The following STKLD1 variants were observed in gnomAD, a reference collection of about 807,000 sequenced individuals.
STKLD1 encodes the protein serine/threonine kinase like domain containing 1.
STKLD1 carries 79 observed loss-of-function variants against 80.4 expected under a neutral mutation model. The ratio of observed to expected loss-of-function variants is 0.98; its 90% CI spans 0.82 to 1.19. STKLD1 has a LOEUF of 1.19. Ranked by LOEUF, STKLD1 falls within the 50% of genes most tolerant of loss-of-function variation. The pLI, the probability that STKLD1 is intolerant of heterozygous loss-of-function variation, is 0.00. For missense variants in STKLD1, 841 were observed against 856.0 expected (o/e 0.98, Z 0.22); for synonymous variants, 393 against 357.6 (o/e 1.10, Z -1.12).
rs2130286395 is a variant in STKLD1, at chr9:133,390,352, G to A, written c.468-329G>A. Reference sequence around the variant, plus strand: ...GCCAAAAATCAATCCCCAGGCAAACGTGTAGCTGAGATATCTAAGGAGGTG... The same window carrying A: ...GCCAAAAATCAATCCCCAGGCAAACATGTAGCTGAGATATCTAAGGAGGTG... On this transcript the variant is annotated intron_variant, in intron 6 of 17. Transcript: ENST00000371957. This position sits in a 1 kb window ranked among gnomAD's most constrained non-coding sequence, Gnocchi z 5.1. 1.3e-5 allele frequency among the ~76,000 whole-genome samples: 2 copies of A among 152,126 alleles called. No individual in the cohort carries two copies. Among genetic ancestry groups the A allele is most frequent in the Admixed American group, 1.3e-4 (2 of 15,272 alleles).
chr9:133,379,080 G>T lies in STKLD1; in HGVS notation c.132G>T (p.Val44=). 6.2e-7 allele frequency: 1 copy of T among 1,614,070 alleles called. No individual in the cohort carries two copies. The highest frequency in any genetic ancestry group is 8.5e-7 in the Non-Finnish European group (1 of 1,179,954). ...LNPGALGVNL[V]VEEMETKVKH... ...CTGGGGCCTTGGGGGTGAACCTGGTGGTGGAGGAAATGGAAACCAAAGTCA... is the reference window on the plus strand; with the variant it reads ...CTGGGGCCTTGGGGGTGAACCTGGTTGTGGAGGAAATGGAAACCAAAGTCA... Residue 44 remains valine (V), a synonymous_variant, in exon 2 of 18, where the codon GTG becomes GTT. Transcript: ENST00000371957.
At chr9:133,383,218 G>GT (rs2119210039) in intron 2 of STKLD1, among the ~76,000 whole-genome samples, 1 of 133,986 alleles carries the variant, frequency 7.5e-6, no homozygotes, top group Admixed American at 7.7e-5. Context: ...TAATGATGGT[G>GT]GTGATGGTGA....
In STKLD1 at chr9:133,404,888, T is replaced by C. The variant is rs1564386918; in HGVS notation, c.1832T>C (p.Val611Ala). 6.2e-7 allele frequency: 1 copy of C among 1,613,236 alleles called. No homozygotes were observed. Among genetic ancestry groups the C allele is most frequent in the Non-Finnish European group, 8.5e-7 (1 of 1,179,734 alleles). The change falls in exon 17 of 18, where the codon GTG becomes GCG. Residue 611 changes from valine (V) to alanine (A), a missense_variant. Val to Ala is a moderately conservative substitution (Grantham distance 64). Transcript: ENST00000371957. ...YQLHRDDPEV[V>A]ENVGMLLVHL... ...CTCCACAGGGACGACCCGGAGGTGG[T>C]GGAGAACGTGGGCATGCTGCTGGTC...
chr9:133,388,154 A>G (rs1388880669), intron 5 of STKLD1, among the ~76,000 whole-genome samples: 1 of 152,104 alleles, frequency 6.6e-6, no homozygotes. Context: ...CTCCAAACAG[A>G]TTTCCGACTT....
chr9:133,379,153 G>A lies in STKLD1; in HGVS notation c.174+31G>A, dbSNP rs2130259859. 67 of 1,588,400 alleles carry A rather than the reference G, an allele frequency of 4.2e-5. 1 individual carries two copies. The Middle Eastern group carries it at 2.4e-3, about 58-fold the overall frequency. ...AGGCCAAGCCTGTGCATCCCATGCC[G>A]GGTGGTTCTGTGACTGTGATTTTCC... is the stretch of plus-strand genomic sequence containing the variant. On this transcript the variant is annotated intron_variant, in intron 2 of 17. Coordinates refer to ENST00000371957, the MANE Select transcript of STKLD1 (RefSeq NM_153710.5).
rs2130250575 is a variant in STKLD1 at position 133,376,692 on chromosome 9, AG to A, written c.87+134del. Reference sequence around the variant, plus strand: ...TGGCCAGTGTCGGCCTGCAGCTCCTAGGTTGAACCCGGGGGGCCTCCAACGG... The same window carrying A: ...TGGCCAGTGTCGGCCTGCAGCTCCTAGTTGAACCCGGGGGGCCTCCAACGG... On this transcript the variant is annotated intron_variant, in intron 1 of 17. Transcript: ENST00000371957. The A allele has an allele frequency of 4.3e-4, 324 of 744,846 alleles. No homozygotes were observed. In the African/African-American group the frequency reaches 5.4e-3, roughly 12 times the overall value. The allele number at this position is 744,846 out of a possible 1,614,324, so 46.1% of individuals were successfully genotyped here.
rs1458904190 is a variant in STKLD1, at chr9:133,390,640, G to A, written c.468-41G>A. The A allele has an allele frequency of 1.3e-6, 2 of 1,503,768 alleles. No individual in the cohort carries two copies. The highest frequency in any genetic ancestry group is 1.8e-6 in the Non-Finnish European group (2 of 1,081,462). 93.2% of individuals were successfully genotyped at this position (1,503,768 alleles called of 1,614,324 possible). ...GTTGTGGGTGGTGGCTGCCCAGGTGGCCCCTTGGCATCCAGAGGCAAACCC... is the reference window on the plus strand; with the variant it reads ...GTTGTGGGTGGTGGCTGCCCAGGTGACCCCTTGGCATCCAGAGGCAAACCC... On this transcript the variant is annotated intron_variant, in intron 6 of 17. Transcript: ENST00000371957. The surrounding 1 kb of genome is among the most constrained non-coding windows in gnomAD (Gnocchi z 5.1).
At chr9:133,405,126 A>C in intron 17 of STKLD1, 126 bp from the exon 18 acceptor site, 1 of 1,339,026 alleles carries the variant, frequency 7.5e-7, no homozygotes, top group Non-Finnish European at 1.0e-6. Context: ...GGGGCTCCGG[A>C]ACTGCAAGGT....
chr9:133,381,376 C>T (rs2130265947), intron 2 of STKLD1, among the ~76,000 whole-genome samples: 4 of 150,774 alleles, frequency 2.7e-5, no homozygotes, highest in Admixed American at 6.6e-5. Context: ...CTCGAACTCC[C>T]GACCTCAGAT....
At chr9:133,388,173 T>G (rs1838304895) in intron 5 of STKLD1, among the ~76,000 whole-genome samples, 1 of 152,204 alleles carries the variant, frequency 6.6e-6, no homozygotes, top group Non-Finnish European at 1.5e-5. Flanking sequence ...TTGGTTTGGT[T>G]GGCCCCATGT....
rs1554776421 is a variant in STKLD1, at chr9:133,394,417, G to A, written c.702+8G>A. The A allele has an allele frequency of 2.5e-6, 4 of 1,596,808 alleles. No individual in the cohort carries two copies. The highest frequency in any genetic ancestry group is 2.2e-5 in the East Asian group (1 of 44,754). On this transcript the variant is annotated splice_region_variant and intron_variant, in intron 8 of 17. Coordinates refer to ENST00000371957, the MANE Select transcript of STKLD1 (RefSeq NM_153710.5). The surrounding 1 kb of genome is among the most constrained non-coding windows in gnomAD (Gnocchi z 4.9). ...AGCTGCTCCTTCATGGATGTGAGCC[G>A]CCCTCCCTCCCCCACACCCCACATG...
At chr9:133,400,586 C>T (rs1838677655) in intron 12 of STKLD1, 57 bp downstream of exon 12, 4 of 1,427,652 alleles carry the variant, frequency 2.8e-6, no homozygotes, top group Non-Finnish European at 3.9e-6. Context: ...CTTCCTGCAG[C>T]TGTGCCTCCT....
rs1311187385 is a variant in STKLD1, at chr9:133,385,634, G to C, written c.237G>C (p.Lys79Asn). 6.2e-7 allele frequency: 1 copy of C among 1,613,366 alleles called. No homozygotes were observed. The highest frequency in any genetic ancestry group is 8.5e-7 in the Non-Finnish European group (1 of 1,179,996). The change falls in exon 4 of 18, where the codon AAG (lysine) becomes AAC (asparagine). Residue 79 changes from lysine (K) to asparagine (N), a missense_variant. Lys to Asn is a moderately conservative substitution (Grantham distance 94, BLOSUM62 0). Transcript: ENST00000371957. This position sits in a 1 kb window ranked among gnomAD's most constrained non-coding sequence, Gnocchi z 4.9. ...CCTGGCAGCTGATGCCACTGCTGAA[G>C]CTGCGGCACGCCCACATCTCTGTGT... Reference protein sequence around the residue: ...QALEELMPLLKLRHAHISVYQ... With the variant: ...QALEELMPLLNLRHAHISVYQ...
In STKLD1 at chr9:133,394,436, C is replaced by G. The variant is rs374398699; in HGVS notation, c.702+27C>G. 8.6e-5 allele frequency: 132 copies of G among 1,538,974 alleles called. 1 individual carries two copies. The highest frequency in any genetic ancestry group is 4.3e-4 in the Admixed American group (26 of 59,898). ...TGAGCCGCCCTCCCTCCCCCACACC[C>G]CACATGCTGTTCCCCACGCGCCCAG... On this transcript the variant is annotated intron_variant, in intron 8 of 17. Coordinates refer to ENST00000371957, the MANE Select transcript of STKLD1 (RefSeq NM_153710.5). This position sits in a 1 kb window ranked among gnomAD's most constrained non-coding sequence, Gnocchi z 4.9.
intron 2 of STKLD1, among the ~76,000 whole-genome samples, chr9:133,382,012 T>C (rs1039922086): frequency 6.6e-6 from 1 of 152,226 alleles, no homozygotes; most frequent in Non-Finnish European, 1.5e-5. Flanking sequence ...GGATCTGGTA[T>C]TAGAGCCAGT....
At chr9:133,398,446 G>A (rs930533300) in intron 11 of STKLD1, among the ~76,000 whole-genome samples, 4 of 152,190 alleles carry the variant, frequency 2.6e-5, no homozygotes, top group African/African-American at 9.7e-5. Flanking sequence ...TCAAGAGTGT[G>A]AATACTTTAA....
chr9:133,400,295 T>C (rs2130684228), intron 11 of STKLD1, 118 bp from the exon 12 acceptor site: 1 of 717,538 alleles, frequency 1.4e-6, no homozygotes, highest in East Asian at 2.5e-5. Flanking sequence ...TCCTTCCCCC[T>C]TCTATTCACC....
At chr9:133,404,679 T>G in intron 16 of STKLD1, 110 bp from the exon 17 acceptor site, 1 of 1,466,252 alleles carries the variant, frequency 6.8e-7, no homozygotes, top group Non-Finnish European at 9.1e-7. Context: ...CCGTCTCTTG[T>G]CCTGTCCCAG....
At chr9:133,392,082 T>G (rs915039384) in intron 7 of STKLD1, among the ~76,000 whole-genome samples, 2 of 149,520 alleles carry the variant, frequency 1.3e-5, no homozygotes, top group Non-Finnish European at 3.0e-5. Flanking sequence ...TCCTTTTTTT[T>G]TTTTTTTTTT....
Sources: gnomAD v4.1 joint callset for allele counts (sites outside exome capture counted in the v4.1 genomes callset) on GRCh38, gnomAD v4.1.1 for gene constraint, Gnocchi (gnomAD v3.1) non-coding constraint, MANE v1.5 for transcripts, NCBI Gene and HGNC (gene_info 2026-07-23, HGNC 2026-07-21) for gene names.